ADAMTS19: variants seen among roughly 807,000 people sequenced by gnomAD.
ADAMTS19 encodes A disintegrin and metalloproteinase with thrombospondin motifs 19.
ADAMTS19 carries 93 observed loss-of-function variants against 153.3 expected under a neutral mutation model. The ratio of observed to expected loss-of-function variants is 0.61; its 90% CI spans 0.51 to 0.72. ADAMTS19 has a LOEUF of 0.72. ADAMTS19 is among the 30% of genes least tolerant of loss of function. The pLI, the probability that ADAMTS19 is intolerant of heterozygous loss-of-function variation, is 0.00. For missense variants in ADAMTS19, 1,482 were observed against 1,552.1 expected (o/e 0.95, Z 0.76); for synonymous variants, 600 against 556.6 (o/e 1.08, Z -1.10).
chr5:129,604,657 A>G (rs1750808716), intron 8 of ADAMTS19, among the ~76,000 whole-genome samples: 1 of 152,188 alleles, frequency 6.6e-6, no homozygotes, highest in East Asian at 1.9e-4. Context: ...AATCTTAGTA[A>G]AGTATCATTA....
intron 2 of ADAMTS19, among the ~76,000 whole-genome samples, chr5:129,489,179 G>A (rs1750688353): frequency 2.0e-5 from 3 of 151,886 alleles, no homozygotes; most frequent in African/African-American, 7.3e-5. Context: ...TTGTAATTAG[G>A]GCTTTGGCAC....
At chr5:129,736,557 T>C (rs576237343) in intron 22 of ADAMTS19, among the ~76,000 whole-genome samples, 1 of 152,194 alleles carries the variant, frequency 6.6e-6, no homozygotes, top group East Asian at 1.9e-4. Context: ...TTAATTTTTA[T>C]AGAAGCCTGA....
At chr5:129,517,661 A>T (rs768303014) in intron 3 of ADAMTS19, among the ~76,000 whole-genome samples, 2 of 151,744 alleles carry the variant, frequency 1.3e-5, no homozygotes, top group Non-Finnish European at 2.9e-5. Context: ...TTTTATTTTC[A>T]GTCTATATGT....
In ADAMTS19 at chr5:129,620,630, C is replaced by G. The variant is rs764514493; in HGVS notation, c.1491C>G (p.Asn497Lys). The G allele has an allele frequency of 1.0e-5, 16 of 1,602,816 alleles. No homozygotes were observed. The Middle Eastern group carries it at 6.6e-4, about 66-fold the overall frequency. Reference protein sequence around the residue: ...AHEMGHNMGINHDNDHPSCAD... With the variant: ...AHEMGHNMGIKHDNDHPSCAD... ...TATTCCAAATCAGCATGGGCATTAA[C>G]CATGACAATGACCACCCATCGTGTG... is the stretch of plus-strand genomic sequence containing the variant. Residue 497 changes from asparagine (N) to lysine (K), a missense_variant, in exon 9 of 23, where the codon AAC becomes AAG. By Grantham distance (94) the Asn-to-Lys change is moderately conservative. Around this residue, in one of 2 missense-constraint regions of ADAMTS19, gnomAD observed 866 missense variants for 827.7 expected, o/e 1.05. Coordinates refer to ENST00000274487, the MANE Select transcript of ADAMTS19 (RefSeq NM_133638.6).
chr5:129,538,798 C>G (rs951188726), intron 6 of ADAMTS19, among the ~76,000 whole-genome samples: 8 of 151,908 alleles, frequency 5.3e-5, no homozygotes, highest in Non-Finnish European at 1.0e-4. Context: ...GAAATGTAGC[C>G]TAATATGGTT....
chr5:129,569,485 C>T lies in ADAMTS19; in HGVS notation c.1372+17578C>T, dbSNP rs1324726037. 3.3e-5 allele frequency among the ~76,000 whole-genome samples: 5 copies of T among 152,090 alleles called. No homozygotes were observed. The East Asian group carries it at 9.6e-4, about 29-fold the overall frequency. On this transcript the variant is annotated intron_variant, in intron 7 of 22. Coordinates refer to ENST00000274487, the MANE Select transcript of ADAMTS19 (RefSeq NM_133638.6). ...AAACCACCGCTAGCTAACCTTTACA[C>T]ACTGCTCCACCCAACCATAGCAAAA...
chr5:129,718,495 A>G (rs192427462), intron 21 of ADAMTS19, among the ~76,000 whole-genome samples: 3 of 152,284 alleles, frequency 2.0e-5, no homozygotes, highest in Admixed American at 1.3e-4. Flanking sequence ...TGAAACACAG[A>G]CCAAAATGAA....
intron 7 of ADAMTS19, among the ~76,000 whole-genome samples, chr5:129,564,590 G>T (rs1753639531): frequency 6.6e-6 from 1 of 152,158 alleles, no homozygotes; most frequent in Non-Finnish European, 1.5e-5. Flanking sequence ...ACAGCAAAAG[G>T]ATTTTACGAG....
At chr5:129,628,456 A>G (rs928178240) in intron 10 of ADAMTS19, among the ~76,000 whole-genome samples, 1 of 150,726 alleles carries the variant, frequency 6.6e-6, no homozygotes. Context: ...ACTTAAAATT[A>G]AAGTATAAAA....
At chr5:129,565,843 G>A (rs1296276028) in intron 7 of ADAMTS19, among the ~76,000 whole-genome samples, 1 of 152,108 alleles carries the variant, frequency 6.6e-6, no homozygotes, top group African/African-American at 2.4e-5. Flanking sequence ...TTTTAATGAT[G>A]TTGGTTTGAT....
chr5:129,633,841 G>A (rs371536233), intron 10 of ADAMTS19, among the ~76,000 whole-genome samples: 3 of 152,130 alleles, frequency 2.0e-5, no homozygotes, highest in East Asian at 3.9e-4. Context: ...CAGTTGCCAA[G>A]GGGAGACTTA....
At chr5:129,688,040 A>T (rs1184128559) in intron 18 of ADAMTS19, 1 of 152,164 alleles carries the variant, frequency 6.6e-6, no homozygotes, top group Non-Finnish European at 1.5e-5. Flanking sequence ...TGGGGTGCAT[A>T]TTCATTTCAA....
At chr5:129,684,793 C>T (rs1755002581) in intron 18 of ADAMTS19, among the ~76,000 whole-genome samples, 1 of 151,924 alleles carries the variant, frequency 6.6e-6, no homozygotes, top group African/African-American at 2.4e-5. Context: ...CAAGACCATT[C>T]TGGCTAACAC....
intron 21 of ADAMTS19, among the ~76,000 whole-genome samples, chr5:129,726,047 T>G (rs1473297441): frequency 6.6e-6 from 1 of 152,202 alleles, no homozygotes; most frequent in East Asian, 1.9e-4. Context: ...TGTGTCTTGT[T>G]GTTTGTCTAC....
At chr5:129,654,853 A>G (rs1291321849) in intron 14 of ADAMTS19, among the ~76,000 whole-genome samples, 1 of 152,200 alleles carries the variant, frequency 6.6e-6, no homozygotes, top group African/African-American at 2.4e-5. Context: ...AGTATCATCA[A>G]TATACTTGAA....
At chr5:129,488,084 G>T (rs1750655820) in intron 2 of ADAMTS19, among the ~76,000 whole-genome samples, 1 of 151,952 alleles carries the variant, frequency 6.6e-6, no homozygotes, top group African/African-American at 2.4e-5. Context: ...CTTCTTTTGT[G>T]TAAGAGACCC....
In ADAMTS19 at chr5:129,586,578, A is replaced by G. The variant is rs887970461; in HGVS notation, c.1373-9981A>G. Among the ~76,000 whole-genome samples, 72 of 152,282 alleles carry G rather than the reference A, an allele frequency of 4.7e-4. 1 individual carries two copies. Among genetic ancestry groups the G allele is most frequent in the African/African-American group, 1.6e-3 (68 of 41,576 alleles). On this transcript the variant is annotated intron_variant, in intron 7 of 22. Coordinates refer to ENST00000274487, the MANE Select transcript of ADAMTS19 (RefSeq NM_133638.6). ...TTTATGAAACCATTCACCTTTTCCAAGTTTTGGCCATTATGAATAAAGCTG... is the reference window on the plus strand; with the variant it reads ...TTTATGAAACCATTCACCTTTTCCAGGTTTTGGCCATTATGAATAAAGCTG...
chr5:129,672,817 CACA>C (rs1561641171), intron 16 of ADAMTS19, among the ~76,000 whole-genome samples: 6 of 151,840 alleles, frequency 4.0e-5, no homozygotes, highest in Non-Finnish European at 7.4e-5. Context: ...TCTACACACA[CACA>C]CACACACACA....
intron 21 of ADAMTS19, among the ~76,000 whole-genome samples, chr5:129,717,783 C>G (rs1283087836): frequency 6.6e-6 from 1 of 152,138 alleles, no homozygotes; most frequent in Non-Finnish European, 1.5e-5. Context: ...TTAAATATAG[C>G]TATAAAATGC....
Sources: allele counts gnomAD v4.1 joint callset (sites outside exome capture counted in the v4.1 genomes callset), GRCh38; gene constraint gnomAD v4.1.1; regional missense constraint gnomAD v4.1.1; transcripts MANE v1.5; gene names NCBI Gene and HGNC (gene_info 2026-07-23, HGNC 2026-07-21).